The following CDH11 variants were observed in gnomAD, a reference collection of about 807,000 sequenced individuals.
CDH11 encodes cadherin-11.
In CDH11, 11 loss-of-function variants were observed where a neutral mutation model predicts 67.8. The observed-to-expected ratio is 0.16, with a 90% confidence interval of 0.10 to 0.27. CDH11 has a LOEUF of 0.27. CDH11 is among the 10% of genes least tolerant of loss of function. CDH11 has a pLI of 1.00. For synonymous variants in CDH11, 419 were observed against 400.0 expected, an observed-to-expected ratio of 1.05 and a Z score of -0.57; for missense variants, 847 against 1,031.2, an observed-to-expected ratio of 0.82 and a Z score of 2.45.
intron 11 of CDH11, among the ~76,000 whole-genome samples, chr16:64,956,735 T>A (rs945241527): frequency 2.6e-5 from 4 of 152,220 alleles, no homozygotes; most frequent in Non-Finnish European, 5.9e-5. Context: ...CAACCTGGAC[T>A]CCTAATTGCA....
intron 1 of CDH11, among the ~76,000 whole-genome samples, chr16:65,111,568 T>C (rs2075157075): frequency 6.6e-6 from 1 of 152,118 alleles, no homozygotes; most frequent in South Asian, 2.1e-4. Context: ...GCTAATGTAA[T>C]GTAGCCTCAG....
chr16:65,100,065 G>C (rs368511866), intron 1 of CDH11, among the ~76,000 whole-genome samples: 2 of 152,168 alleles, frequency 1.3e-5, no homozygotes, highest in East Asian at 3.9e-4. Flanking sequence ...TATCAGAAAT[G>C]AAATCAGTAG....
chr16:64,998,918 AC>A, intron 3 of CDH11, 62 bp from the exon 4 acceptor site: 1 of 1,378,778 alleles, frequency 7.3e-7, no homozygotes, highest in Non-Finnish European at 1.0e-6. Flanking sequence ...AAACTCACTT[AC>A]AAGTGATTGC....
intron 2 of CDH11, among the ~76,000 whole-genome samples, chr16:65,035,745 G>C (rs1320669144): frequency 1.3e-5 from 2 of 152,072 alleles, no homozygotes; most frequent in African/African-American, 2.4e-5. Flanking sequence ...CAAAGGTAAG[G>C]GTTATTATTA....
rs573179196 is a variant in CDH11 at position 65,039,788 on chromosome 16, C to A, written c.-173+14016G>T. Among the ~76,000 whole-genome samples the A allele has an allele frequency of 2.6e-5, 4 of 152,000 alleles. No homozygotes were observed. The South Asian group carries it at 6.2e-4, about 24-fold the overall frequency. On this transcript the variant is annotated intron_variant, in intron 2 of 12. Coordinates refer to ENST00000268603, the MANE Select transcript of CDH11 (RefSeq NM_001797.4). ...GTGAACAGGCAACCTACAGAATGGG[C>A]GAAAATTTTTGCAGTCTACTCATCT...
intron 12 of CDH11, among the ~76,000 whole-genome samples, chr16:64,948,396 A>T (rs2071251457): frequency 6.6e-6 from 1 of 152,196 alleles, no homozygotes; most frequent in Non-Finnish European, 1.5e-5. Context: ...CTTCCTAAGA[A>T]CTAGGAAGAT....
chr16:65,058,819 T>C (rs1383087508), intron 1 of CDH11, among the ~76,000 whole-genome samples: 1 of 152,176 alleles, frequency 6.6e-6, no homozygotes, highest in Non-Finnish European at 1.5e-5. Flanking sequence ...AAAATGGGGA[T>C]AATAACAATT....
chr16:65,029,844 TG>T (rs2073607714), intron 2 of CDH11, among the ~76,000 whole-genome samples: 1 of 152,176 alleles, frequency 6.6e-6, no homozygotes, highest in African/African-American at 2.4e-5. Context: ...CTGGCCTCAA[TG>T]GGAACTCACC....
intron 1 of CDH11, among the ~76,000 whole-genome samples, chr16:65,096,908 A>C (rs1220171282): frequency 6.6e-6 from 1 of 152,208 alleles, no homozygotes; most frequent in African/African-American, 2.4e-5. Flanking sequence ...ACCTGTATCC[A>C]AAAGTCAAAT....
chr16:64,991,436 G>C (rs1172841902), intron 6 of CDH11: 1 of 248,134 alleles, frequency 4.0e-6, no homozygotes, highest in Non-Finnish European at 8.0e-6. Flanking sequence ...GTTATATCCA[G>C]GTTAGAAATG....
intron 3 of CDH11, 44 bp from the exon 4 acceptor site, chr16:64,998,900 C>T (rs1388161186): frequency 6.5e-7 from 1 of 1,550,096 alleles, no homozygotes; most frequent in African/African-American, 1.4e-5. Context: ...ATGAGGAAAG[C>T]AGTGGGGAAA....
chr16:65,008,266 T>C (rs2142539083), intron 2 of CDH11, among the ~76,000 whole-genome samples: 1 of 152,342 alleles, frequency 6.6e-6, no homozygotes, highest in East Asian at 1.9e-4. Flanking sequence ...ACAATAACAT[T>C]CAATCTGTTA....
intron 5 of CDH11, among the ~76,000 whole-genome samples, chr16:64,992,314 G>T (rs769451309): frequency 4.6e-5 from 7 of 152,142 alleles, no homozygotes; most frequent in Non-Finnish European, 1.0e-4. Flanking sequence ...ACAATTCATG[G>T]AAATGTTTTG....
rs546254019 is a variant in CDH11, at chr16:64,954,508, T to C, written c.1643-3490A>G. Among the ~76,000 whole-genome samples the C allele has an allele frequency of 1.2e-4, 19 of 152,332 alleles. No individual in the cohort carries two copies. The South Asian group carries it at 3.7e-3, about 30-fold the overall frequency. On this transcript the variant is annotated intron_variant, in intron 11 of 12. Coordinates refer to ENST00000268603, the MANE Select transcript of CDH11 (RefSeq NM_001797.4). ...ATGATAGAAATCAGTGTTTATCCTC[T>C]GTGCTGTGCTTCCAGAAGGCTCAGG...
At position 64,950,910 on chromosome 16, in the gene CDH11, C is replaced by T. The variant is rs1311143964; in HGVS notation, c.1751G>A (p.Ser584Asn). 17 of 1,614,114 alleles carry T rather than the reference C, an allele frequency of 1.1e-5. No individual in the cohort carries two copies. Among genetic ancestry groups the T allele is most frequent in the Non-Finnish European group, 1.4e-5 (17 of 1,180,052 alleles). The change falls in exon 12 of 13, where the codon AGC becomes AAC. Residue 584 changes from serine (S) to asparagine (N), a missense_variant. Transcript: ENST00000268603. Reference protein sequence around the residue: ...ISDGGIPPMSSTNTLTIKVCG... With the variant: ...ISDGGIPPMSNTNTLTIKVCG... ...GACTTTGATGGTGAGGGTGTTGGTG[C>T]TACTCATGGGCGGGATGCCGCCATC...
intron 1 of CDH11, among the ~76,000 whole-genome samples, chr16:65,109,660 A>G (rs1271318024): frequency 6.6e-6 from 1 of 152,088 alleles, no homozygotes; most frequent in Admixed American, 6.5e-5. Context: ...AGATTTTTGC[A>G]TTGGCTCCTT....
intron 11 of CDH11, among the ~76,000 whole-genome samples, chr16:64,965,657 G>A (rs746748963): frequency 2.0e-5 from 3 of 152,096 alleles, no homozygotes; most frequent in Non-Finnish European, 4.4e-5. Context: ...GTTTAAAAGT[G>A]TAGTTATGGT....
chr16:64,950,468 G>A (rs1567482608), intron 12 of CDH11, among the ~76,000 whole-genome samples: 1 of 152,028 alleles, frequency 6.6e-6, no homozygotes, highest in Non-Finnish European at 1.5e-5. Context: ...AAGCCCCCTA[G>A]TGGCTCCTGC....
intron 11 of CDH11, among the ~76,000 whole-genome samples, chr16:64,961,493 C>T (rs954606907): frequency 6.6e-6 from 1 of 152,034 alleles, no homozygotes; most frequent in Non-Finnish European, 1.5e-5. Context: ...AATTTTGATA[C>T]CAGTTTTTAG....
Sources: gnomAD v4.1 joint callset for allele counts (sites outside exome capture counted in the v4.1 genomes callset) on GRCh38, gnomAD v4.1.1 for gene constraint, MANE v1.5 for transcripts, NCBI Gene and HGNC (gene_info 2026-07-23, HGNC 2026-07-21) for gene names.